Variants in PDE6C observed in about 807,000 individuals in gnomAD.
The protein encoded by PDE6C is cone cGMP-specific 3',5'-cyclic phosphodiesterase subunit alpha'.
PDE6C carries 75 observed loss-of-function variants against 113.1 expected under a neutral mutation model. That is an observed-to-expected ratio of 0.66 (90% CI 0.55 to 0.80). PDE6C has a LOEUF of 0.80. Among genes scored for constraint, PDE6C ranks in the 30% least tolerant of loss-of-function variants. PDE6C has a pLI of 0.00. For synonymous variants in PDE6C, 375 were observed against 363.7 expected, an observed-to-expected ratio of 1.03 and a Z score of -0.35; for missense variants, 912 against 1,038.6, an observed-to-expected ratio of 0.88 and a Z score of 1.67.
At chr10:93,625,528 G>A (rs371628034) in intron 4 of PDE6C, 47 bp from the exon 5 acceptor site, 84 of 1,186,282 alleles carry the variant, frequency 7.1e-5, no homozygotes, top group Admixed American at 1.3e-4. Flanking sequence ...GATATGGTAG[G>A]TCATGGAACA....
chr10:93,635,820 G>C (rs2134607380), intron 10 of PDE6C, among the ~76,000 whole-genome samples, 180 bp downstream of exon 10: 1 of 152,300 alleles, frequency 6.6e-6, no homozygotes, highest in South Asian at 2.1e-4. Flanking sequence ...GACCCTTACT[G>C]GAAGTACAGC....
chr10:93,615,353 G>T (rs1447756226), intron 1 of PDE6C, among the ~76,000 whole-genome samples: 1 of 152,190 alleles, frequency 6.6e-6, no homozygotes, highest in Non-Finnish European at 1.5e-5. Flanking sequence ...GACTCTCAAA[G>T]ATTAGAATTC....
intron 1 of PDE6C, among the ~76,000 whole-genome samples, chr10:93,620,119 C>T (rs942203260): frequency 1.3e-5 from 2 of 152,070 alleles, no homozygotes; most frequent in African/African-American, 4.8e-5. Flanking sequence ...GCAGTTAGCA[C>T]GGATTTCTTC....
chr10:93,629,495 T>G (rs1408751058), intron 8 of PDE6C, among the ~76,000 whole-genome samples, 190 bp downstream of exon 8: 1 of 152,118 alleles, frequency 6.6e-6, no homozygotes, highest in Non-Finnish European at 1.5e-5. Flanking sequence ...AAAAGAAGGT[T>G]AAGACAGAAG....
intron 4 of PDE6C, 88 bp from the exon 5 acceptor site, chr10:93,625,485 CAT>C: frequency 1.1e-6 from 1 of 917,574 alleles, no homozygotes; most frequent in South Asian, 1.4e-5. Context: ...CGTAGATTAA[CAT>C]AAAATATACA....
chr10:93,630,203 T>A (rs1208229324), intron 8 of PDE6C, among the ~76,000 whole-genome samples: 1 of 152,136 alleles, frequency 6.6e-6, no homozygotes, highest in East Asian at 1.9e-4. Flanking sequence ...CTGGGGAATC[T>A]GCCTCCACTC....
rs527750681 is a variant in PDE6C, at chr10:93,643,494, T to A, written c.1847+2465T>A. Among the ~76,000 whole-genome samples, 192 of 152,108 alleles carry A rather than the reference T, an allele frequency of 1.3e-3. 5 individuals carry two copies. In the South Asian group the frequency reaches 0.039, roughly 31 times the overall value. ...GCCTTGACCTCTGGGGCCCAAGCAA[T>A]CCTCTCACCTCAGCCTCCCAAGTAG... On this transcript the variant is annotated intron_variant, in intron 14 of 21. Coordinates refer to ENST00000371447, the MANE Select transcript of PDE6C (RefSeq NM_006204.4).
Position 93,646,527 on chromosome 10 carries a change from A to G in PDE6C, c.1935+480A>G, listed in dbSNP as rs374830364. 3.3e-5 allele frequency among the ~76,000 whole-genome samples: 5 copies of G among 152,248 alleles called. No individual in the cohort carries two copies. The East Asian group carries it at 5.8e-4, about 18-fold the overall frequency. ...GGTAATTATAAAGAAAATAGGTTTA[A>G]TTCACTCCCGGTTCTGCAGGCTGTA... On this transcript the variant is annotated intron_variant, in intron 15 of 21. Transcript: ENST00000371447.
intron 15 of PDE6C, among the ~76,000 whole-genome samples, chr10:93,649,421 C>T (rs1191385059): frequency 2.0e-5 from 3 of 152,106 alleles, no homozygotes; most frequent in African/African-American, 7.2e-5. Flanking sequence ...GCTTCAAATC[C>T]TACCATCCAG....
intron 15 of PDE6C, among the ~76,000 whole-genome samples, chr10:93,648,463 G>T (rs2058594610): frequency 6.6e-6 from 1 of 152,110 alleles, no homozygotes; most frequent in Non-Finnish European, 1.5e-5. Context: ...AGACAATGTA[G>T]TTCTTGTATT....
rs779769374 is a variant in PDE6C, at chr10:93,663,141, A to G, written c.2481A>G (p.Glu827=). 1.4e-5 allele frequency: 23 copies of G among 1,613,676 alleles called. No individual in the cohort carries two copies. Among genetic ancestry groups the G allele is most frequent in the Non-Finnish European group, 1.9e-5 (23 of 1,179,854 alleles). ...ATGATGCAAAGATGAAGGTCATTGA[A>G]GAGGAGGCAAAAAAGCAAGAAGGAG... is the stretch of plus-strand genomic sequence containing the variant. ...DEYDAKMKVI[E]EEAKKQEGGA... is the part of the protein sequence containing the mutation. The change falls in exon 21 of 22, where the codon GAA becomes GAG. Residue 827 remains glutamate, a synonymous_variant. Coordinates refer to ENST00000371447, the MANE Select transcript of PDE6C (RefSeq NM_006204.4).
rs920823436 is a variant in PDE6C at position 93,658,410 on chromosome 10, A to G, written c.2037-491A>G. Among the ~76,000 whole-genome samples, 8 of 151,714 alleles carry G rather than the reference A, an allele frequency of 5.3e-5. No individual in the cohort carries two copies. The South Asian group carries it at 1.2e-3, about 24-fold the overall frequency. ...CTTTTTGTTGGCTATATGTGTTGTG[A>G]TATCTTATCATAGTTTGGGGCCTTT... On this transcript the variant is annotated intron_variant, in intron 16 of 21. Coordinates refer to ENST00000371447, the MANE Select transcript of PDE6C (RefSeq NM_006204.4).
intron 15 of PDE6C, among the ~76,000 whole-genome samples, chr10:93,646,632 A>G (rs1268677601): frequency 6.6e-6 from 1 of 152,038 alleles, no homozygotes; most frequent in East Asian, 1.9e-4. Flanking sequence ...GGGAGCGAGC[A>G]CTTCATATGG....
intron 4 of PDE6C, among the ~76,000 whole-genome samples, chr10:93,623,098 T>G (rs972860996): frequency 1.3e-5 from 2 of 152,226 alleles, no homozygotes; most frequent in African/African-American, 4.8e-5. Flanking sequence ...CAGATGCACT[T>G]TCTCACCAGC....
chr10:93,647,257 C>A (rs1326992352), intron 15 of PDE6C, among the ~76,000 whole-genome samples: 1 of 152,168 alleles, frequency 6.6e-6, no homozygotes, highest in Non-Finnish European at 1.5e-5. Flanking sequence ...GAATCACATG[C>A]TTCATTAGGA....
chr10:93,625,030 C>T (rs537791821), intron 4 of PDE6C, among the ~76,000 whole-genome samples: 1 of 152,320 alleles, frequency 6.6e-6, no homozygotes, highest in South Asian at 2.1e-4. Flanking sequence ...CCCCCTTCTT[C>T]AATGTCCAGA....
At chr10:93,634,442 A>G (rs1416550513) in intron 8 of PDE6C, among the ~76,000 whole-genome samples, 5 of 152,236 alleles carry the variant, frequency 3.3e-5, no homozygotes, top group Non-Finnish European at 7.3e-5. Flanking sequence ...GAAAAGCTAC[A>G]CAAGGGATAA....
At chr10:93,636,950 C>T (rs1181642591) in intron 10 of PDE6C, 45 bp from the exon 11 acceptor site, 1 of 1,002,866 alleles carries the variant, frequency 1.0e-6, no homozygotes, top group Admixed American at 1.7e-5. Flanking sequence ...AGATGGAAAT[C>T]TTCTCCTTTA....
chr10:93,652,649 A>G (rs930495236), intron 15 of PDE6C, among the ~76,000 whole-genome samples: 3 of 152,076 alleles, frequency 2.0e-5, no homozygotes, highest in African/African-American at 7.2e-5. Flanking sequence ...ATTATTTTGG[A>G]TTGGAAAAAG....
Sources: gnomAD v4.1 joint callset for allele counts (sites outside exome capture counted in the v4.1 genomes callset) on GRCh38, gnomAD v4.1.1 for gene constraint, MANE v1.5 for transcripts, NCBI Gene and HGNC (gene_info 2026-07-23, HGNC 2026-07-21) for gene names.